The following CDH23 variants were observed in gnomAD, a reference collection of about 807,000 sequenced individuals.
CDH23 encodes the protein cadherin related 23, also known as cadherin-23.
CDH23 carries 189 observed loss-of-function variants against 317.1 expected under a neutral mutation model. That is an observed-to-expected ratio of 0.60 (90% CI 0.53 to 0.67). The LOEUF is 0.67. CDH23 is among the 30% of genes least tolerant of loss of function. The pLI is 0.00. For missense variants in CDH23, 4,401 were observed against 4,592.4 expected (o/e 0.96, Z 1.20); for synonymous variants, 1,839 against 1,876.8 (o/e 0.98, Z 0.52).
chr10:71,732,656 C>A, intron 32 of CDH23: 1 of 1,385,458 alleles, frequency 7.2e-7, no homozygotes, highest in Non-Finnish European at 9.3e-7. Flanking sequence ...AAAAAAAGTC[C>A]CCGAGATCAA....
rs756902486 is a variant in CDH23, at chr10:71,811,589, G to A, written c.9277G>A (p.Val3093Ile). The change falls in exon 64 of 70, where the codon GTA becomes ATA. Residue 3093 changes from valine to isoleucine, a missense_variant and splice_region_variant. Physicochemically the swap from Val to Ile is conservative, Grantham distance 29 (BLOSUM62 3). This residue lies in a region of CDH23 where 1,144 missense variants were observed against 1,138.2 expected (regional missense o/e 1.01). Transcript: ENST00000224721. ...FVLMNWYYRT[V>I]HKRKLKAIVA... ...CCTCATGAACTGGTACTACAGGACT[G>A]TGTGAGTGTCCCCCACCCCTGCCAT... The A allele has an allele frequency of 9.9e-6, 16 of 1,613,950 alleles. No individual in the cohort carries two copies. The highest frequency in any genetic ancestry group is 1.2e-5 in the Non-Finnish European group (14 of 1,179,892).
At position 71,799,298 on chromosome 10, in the gene CDH23, A is replaced by AG. The variant is rs1401582627; in HGVS notation, c.7224+20dup. 1.2e-6 allele frequency: 2 copies of AG among 1,614,016 alleles called. No individual in the cohort carries two copies. The highest frequency in any genetic ancestry group is 2.2e-5 in the South Asian group (2 of 91,086). ...CCTACCAGGTGGGTGGCCAGGCCACAGGCTGGGTCCAGGACCTGCGCCCAT... is the reference window on the plus strand; with the variant it reads ...CCTACCAGGTGGGTGGCCAGGCCACAGGGCTGGGTCCAGGACCTGCGCCCAT... On this transcript the variant is annotated intron_variant, in intron 51 of 69. Transcript: ENST00000224721.
chr10:71,702,552 G>A lies in CDH23; in HGVS notation c.2591G>A (p.Gly864Asp), dbSNP rs1317670560. The change falls in exon 24 of 70, where the codon GGC (glycine) becomes GAC (aspartate). Residue 864 changes from glycine to aspartate, a missense_variant. Coordinates refer to ENST00000224721, the MANE Select transcript of CDH23 (RefSeq NM_022124.6). ...RKIVVSVTDC[G>D]RPPLKATSSA... The stretch of plus-strand genomic sequence containing the variant: ...CTTCTCGCCCTGGTCTTCCCAGGTG[G>A]CAGGCCCCCTCTGAAAGCCACCAGC... 1.2e-6 allele frequency: 2 copies of A among 1,613,818 alleles called. No homozygotes were observed. Among genetic ancestry groups the A allele is most frequent in the African/African-American group, 1.3e-5 (1 of 74,926 alleles).
At position 71,680,766 on chromosome 10, in the gene CDH23, A is replaced by G. The variant is rs1166483320; in HGVS notation, c.1858+1274A>G. Among the ~76,000 whole-genome samples the G allele has an allele frequency of 1.1e-4, 17 of 148,544 alleles. 1 individual carries two copies. The East Asian group carries it at 1.6e-3, about 14-fold the overall frequency. ...CGTCTCAAAAAAAAAAAAAAAAAGA[A>G]AAAGAAATTGCATTCTCTATGAAAT... On this transcript the variant is annotated intron_variant, in intron 17 of 69. Transcript: ENST00000224721.
chr10:71,722,236 T>C (rs1397487162), intron 28 of CDH23, among the ~76,000 whole-genome samples: 1 of 151,798 alleles, frequency 6.6e-6, no homozygotes, highest in Non-Finnish European at 1.5e-5. Context: ...AGCTCAGGAG[T>C]TCGAGACCAG....
chr10:71,427,224 AGAAAGAAAGAAAGAAAGAAAGG>A (rs1393682203), intron 1 of CDH23, among the ~76,000 whole-genome samples: 10,748 of 100,094 alleles, frequency 0.11, 999 homozygotes, highest in Middle Eastern at 0.23. Context: ...AAAGAAAGAA[AGAAAGAAAGAAAGAAAGAAAGG>A]GAAAGAAAGA....
intron 9 of CDH23, among the ~76,000 whole-genome samples, chr10:71,587,054 G>A (rs545913313): frequency 4.7e-4 from 72 of 152,280 alleles, no homozygotes; most frequent in African/African-American, 1.4e-3. Context: ...AGCTACATAC[G>A]TCATCTCTCA....
At chr10:71,657,160 C>T (rs1038889233) in intron 14 of CDH23, among the ~76,000 whole-genome samples, 1 of 152,194 alleles carries the variant, frequency 6.6e-6, no homozygotes, top group Non-Finnish European at 1.5e-5. Context: ...TGCACCATCC[C>T]GAATGTCAAG....
At chr10:71,403,396 T>C (rs1564558121) in intron 1 of CDH23, among the ~76,000 whole-genome samples, 22 of 97,384 alleles carry the variant, frequency 2.3e-4, no homozygotes, top group Admixed American at 5.5e-4. Context: ...TCTTTCTTTC[T>C]TTCTTTCTTT....
chr10:71,583,951 C>T (rs942874164), intron 9 of CDH23, among the ~76,000 whole-genome samples: 1 of 146,690 alleles, frequency 6.8e-6, no homozygotes, highest in African/African-American at 2.6e-5. Flanking sequence ...TCAAAGTGTG[C>T]TCCCCAGAGC....
intron 28 of CDH23, chr10:71,716,003 C>G (rs200650849): frequency 1.8e-5 from 27 of 1,500,094 alleles, no homozygotes; most frequent in South Asian, 1.6e-4. Flanking sequence ...CAGGGGCTGT[C>G]GAGGGACGGT....
chr10:71,565,467 A>G (rs1857345827), intron 6 of CDH23, among the ~76,000 whole-genome samples: 1 of 152,174 alleles, frequency 6.6e-6, no homozygotes, highest in Non-Finnish European at 1.5e-5. Flanking sequence ...AGCCAGCAAG[A>G]GAGCCTGGAG....
intron 14 of CDH23, among the ~76,000 whole-genome samples, chr10:71,674,479 G>C (rs1864274296): frequency 6.6e-6 from 1 of 152,254 alleles, no homozygotes; most frequent in East Asian, 1.9e-4. Flanking sequence ...TCTGGTGGCA[G>C]GCAGCAGTTT....
chr10:71,424,041 G>T (rs1848935035), intron 1 of CDH23, among the ~76,000 whole-genome samples: 1 of 152,382 alleles, frequency 6.6e-6, no homozygotes. Flanking sequence ...AAGAGGCAAG[G>T]CAAGAGGACG....
At chr10:71,599,973 C>T (rs897037773) in intron 9 of CDH23, among the ~76,000 whole-genome samples, 1 of 149,908 alleles carries the variant, frequency 6.7e-6, no homozygotes, top group Admixed American at 6.7e-5. Flanking sequence ...GTCCCATTTA[C>T]ACCTTCAATG....
rs554892289 is a variant in CDH23 at position 71,497,642 on chromosome 10, C to T, written c.146-12440C>T. Among the ~76,000 whole-genome samples the T allele has an allele frequency of 4.3e-4, 65 of 152,314 alleles. 1 individual carries two copies. The highest frequency in any genetic ancestry group is 3.4e-3 in the Middle Eastern group (1 of 294). On this transcript the variant is annotated intron_variant, in intron 3 of 69. Transcript: ENST00000224721. ...TGCCTGTCTATCCTCCGCTGCGGAG[C>T]GCCTTCCTTGTACACAGTATGTGGA...
In CDH23 at chr10:71,675,189, C is replaced by T. The variant is rs376369708; in HGVS notation, c.1514+13C>T. The T allele has an allele frequency of 8.2e-5, 132 of 1,612,144 alleles. No individual in the cohort carries two copies. The African/African-American group carries it at 1.7e-3, about 21-fold the overall frequency. On this transcript the variant is annotated intron_variant, in intron 15 of 69. Transcript: ENST00000224721. ...ATGACCCTGACAGGTGAGACTCTGC[C>T]CACAGCCCCTCAGGCCCCTCCGCAG... is the stretch of plus-strand genomic sequence containing the variant.
intron 14 of CDH23, among the ~76,000 whole-genome samples, chr10:71,674,110 G>C (rs1016184585): frequency 6.6e-6 from 1 of 152,224 alleles, no homozygotes; most frequent in African/African-American, 2.4e-5. Context: ...GCATCTTTCT[G>C]TATAGCCAAG....
chr10:71,680,763 AG>A (rs200086020), intron 17 of CDH23, among the ~76,000 whole-genome samples: 24,282 of 81,208 alleles, frequency 0.3, 6,104 homozygotes, highest in East Asian at 0.36. Flanking sequence ...AAAAAAAAAA[AG>A]AAAAAGAAAT....
Sources: allele counts gnomAD v4.1 joint callset (sites outside exome capture counted in the v4.1 genomes callset), GRCh38; gene constraint gnomAD v4.1.1; regional missense constraint gnomAD v4.1.1; transcripts MANE v1.5; gene names NCBI Gene and HGNC (gene_info 2026-07-23, HGNC 2026-07-21).